MIAT: variants seen among roughly 807,000 people sequenced by gnomAD.
MIAT encodes the protein myocardial infarction associated transcript, also known as MI related novel mRNA.
At chr22:26,662,430 T>C (rs1930709175) in intron 2 of MIAT, among the ~76,000 whole-genome samples, 1 of 152,214 alleles carries the variant, frequency 6.6e-6, no homozygotes, top group African/African-American at 2.4e-5. Context: ...CATCTGTTCT[T>C]AATAAGTGTT....
chr22:26,647,367 G>A, intron 2 of MIAT: 1 of 347,202 alleles, frequency 2.9e-6, no homozygotes, highest in Non-Finnish European at 5.0e-6. Flanking sequence ...GCGGGGACGT[G>A]GGGGGTGGAG....
intron 3 of MIAT, chr22:26,665,457 G>C (rs1029838091): frequency 2.5e-6 from 1 of 398,514 alleles, no homozygotes; most frequent in Non-Finnish European, 4.4e-6. Flanking sequence ...ATGACTCTAG[G>C]TCCACAGAAC....
chr22:26,673,683 CACAGGTTTGA>C (rs1462445758), downstream of MIAT: 1 of 398,210 alleles, frequency 2.5e-6, no homozygotes. Context: ...ACTTGGCTAA[CACAGGTTTGA>C]ACTTGACTAA....
chr22:26,656,819 ACTG>A (rs1930471103), intron 2 of MIAT, among the ~76,000 whole-genome samples: 1 of 151,142 alleles, frequency 6.6e-6, no homozygotes, highest in Non-Finnish European at 1.5e-5. Context: ...GGGCAGGAGG[ACTG>A]CTTGAACCCA....
exon 4 of MIAT, chr22:26,666,622 T>C: frequency 2.5e-6 from 1 of 398,704 alleles, no homozygotes; most frequent in Non-Finnish European, 4.4e-6. Flanking sequence ...TGGGTCACAT[T>C]CTGCTGTTGT....
At chr22:26,665,299 A>C (rs1416002118) in intron 3 of MIAT, among the ~76,000 whole-genome samples, 1 of 120,148 alleles carries the variant, frequency 8.3e-6, no homozygotes, top group African/African-American at 2.8e-5. Context: ...AAAACAATTA[A>C]CTTTGAGTCA....
intron 2 of MIAT, chr22:26,657,326 C>G (rs1304578141): frequency 5.1e-6 from 2 of 395,138 alleles, no homozygotes; most frequent in Non-Finnish European, 8.9e-6. Flanking sequence ...GGTTGCACCC[C>G]GCTTTCCTGG....
intron 2 of MIAT, among the ~76,000 whole-genome samples, chr22:26,661,917 C>CATATATATATATATAT (rs58654108): frequency 3.7e-5 from 3 of 80,592 alleles, no homozygotes; most frequent in Admixed American, 1.6e-4. Context: ...TATATAGATC[C>CATATATATATATATAT]ATATATATAT....
downstream of MIAT, chr22:26,673,378 A>G (rs1007614775): frequency 1.9e-4 from 74 of 398,888 alleles, no homozygotes; most frequent in Non-Finnish European, 2.2e-5. Context: ...GCTCTCACCC[A>G]GCTAATCCCT....
chr22:26,659,836 C>CTT (rs1359529004), intron 2 of MIAT, among the ~76,000 whole-genome samples: 5 of 81,318 alleles, frequency 6.1e-5, no homozygotes, highest in South Asian at 4.8e-4. Flanking sequence ...TTCTTTCTTT[C>CTT]TTTCTTTTTT....
intron 2 of MIAT, among the ~76,000 whole-genome samples, chr22:26,649,757 A>G (rs1435393033): frequency 6.6e-6 from 1 of 152,228 alleles, no homozygotes; most frequent in African/African-American, 2.4e-5. Flanking sequence ...TACTAAAAAT[A>G]CAAAAATTAG....
chr22:26,654,958 C>T (rs886405734), intron 2 of MIAT, among the ~76,000 whole-genome samples: 7 of 152,142 alleles, frequency 4.6e-5, no homozygotes, highest in Non-Finnish European at 8.8e-5. Flanking sequence ...ATGATCCGCC[C>T]GCCTCGGCCT....
exon 5 of MIAT, chr22:26,674,673 A>C: frequency 2.5e-6 from 1 of 398,656 alleles, no homozygotes; most frequent in African/African-American, 2.1e-5. Flanking sequence ...CTTTGAGAAC[A>C]TGCCTTGGCT....
rs1930370568 is a variant in MIAT at position 26,653,320 on chromosome 22, G to T, written n.646+6009G>T. Reference sequence around the variant, plus strand: ...GTCCACTCCTTCCTTGCGTTACTCAGTTCACGGCTTGTCCCGAGTCCATCT... The same window carrying T: ...GTCCACTCCTTCCTTGCGTTACTCATTTCACGGCTTGTCCCGAGTCCATCT... On this transcript the variant is annotated intron_variant and non_coding_transcript_variant, in intron 2 of 5. Transcript: ENST00000643270. Among the ~76,000 whole-genome samples the T allele has an allele frequency of 3.3e-5, 5 of 152,314 alleles. No homozygotes were observed. The South Asian group carries it at 1.0e-3, about 32-fold the overall frequency.
chr22:26,660,133 A>G (rs6005116), intron 2 of MIAT, among the ~76,000 whole-genome samples: 126,551 of 151,312 alleles, frequency 0.84, 52,973 homozygotes, highest in South Asian at 0.92. Context: ...CCCACACCTG[A>G]CCTGAAAACT....
At chr22:26,673,544 A>G, downstream of MIAT, 3 of 398,692 alleles carry the variant, frequency 7.5e-6, no homozygotes, top group Non-Finnish European at 1.3e-5. Flanking sequence ...TTCAGCAGAA[A>G]CTAATGGTTT....
intron 2 of MIAT, among the ~76,000 whole-genome samples, chr22:26,661,937 T>TCC (rs1555948788): frequency 1.8e-4 from 7 of 38,118 alleles, no homozygotes; most frequent in Admixed American, 2.7e-4. Flanking sequence ...TATATATATA[T>TCC]ATATATATAT....
intron 2 of MIAT, among the ~76,000 whole-genome samples, chr22:26,662,026 G>A (rs769501059): frequency 6.1e-5 from 9 of 148,222 alleles, no homozygotes; most frequent in Non-Finnish European, 1.0e-4. Context: ...GAGCAATCGC[G>A]GTTCACTGCA....
intron 2 of MIAT, among the ~76,000 whole-genome samples, chr22:26,656,488 C>T (rs1181082517): frequency 2.7e-5 from 4 of 150,488 alleles, no homozygotes; most frequent in Non-Finnish European, 5.9e-5. Context: ...CCACACCCGG[C>T]TAATTTTTTA....
Sources: allele counts gnomAD v4.1 joint callset (sites outside exome capture counted in the v4.1 genomes callset), GRCh38; gene constraint gnomAD v4.1.1; transcripts MANE v1.5; gene names NCBI Gene and HGNC (gene_info 2026-07-23, HGNC 2026-07-21).